The following RBM34 variants were observed in gnomAD, a reference collection of about 807,000 sequenced individuals.
RBM34 encodes RNA-binding protein 34.
Under a neutral mutation model 44.6 loss-of-function variants are expected in RBM34, and 39 were observed. That is an observed-to-expected ratio of 0.87 (90% CI 0.68 to 1.14). RBM34 has a LOEUF of 1.14. RBM34 is among the 50% of genes most tolerant of loss of function. The pLI is 0.00. For missense variants in RBM34, 572 were observed against 517.9 expected (o/e 1.10, Z -1.01); for synonymous variants, 194 against 184.0 (o/e 1.05, Z -0.44).
At chr1:235,148,577 T>C (rs1662013727) in intron 5 of RBM34, 130 bp from the exon 6 acceptor site, 2 of 553,232 alleles carry the variant, frequency 3.6e-6, no homozygotes, top group Non-Finnish European at 5.6e-6. Flanking sequence ...AATAAACAAA[T>C]CAGAAACAAC....
intron 8 of RBM34, among the ~76,000 whole-genome samples, chr1:235,137,669 C>A (rs541337224): frequency 6.6e-6 from 1 of 152,084 alleles, no homozygotes; most frequent in East Asian, 1.9e-4. Context: ...AGCCATTGTG[C>A]CCAGCCAGGA....
chr1:235,155,832 T>TATATATAC (rs1553275309), intron 3 of RBM34, among the ~76,000 whole-genome samples: 5 of 19,290 alleles, frequency 2.6e-4, no homozygotes, highest in South Asian at 3.9e-3. Context: ...CATATATATA[T>TATATATAC]ATATATATAT....
At position 235,135,726 on chromosome 1, in the gene RBM34, T is replaced by C; in HGVS notation, c.934A>G (p.Ser312Gly). The change falls in exon 10 of 11, where the codon AGT becomes GGT. Residue 312 changes from serine (S) to glycine (G), a missense_variant. Transcript: ENST00000408888. ...AIEKHFLDCG[S>G]IMAVRIVRDK... Reference sequence around the variant, plus strand: ...CTCACAATCCTCACGGCCATGATACTTCCACAGTCCAGAAAGTGCTTCTCA... The same window carrying C: ...CTCACAATCCTCACGGCCATGATACCTCCACAGTCCAGAAAGTGCTTCTCA... The C allele has an allele frequency of 1.9e-6, 3 of 1,614,204 alleles. No homozygotes were observed. Among genetic ancestry groups the C allele is most frequent in the Non-Finnish European group, 2.5e-6 (3 of 1,180,030 alleles).
At chr1:235,143,250 A>T (rs1661759941) in intron 6 of RBM34, among the ~76,000 whole-genome samples, 1 of 152,210 alleles carries the variant, frequency 6.6e-6, no homozygotes, top group Non-Finnish European at 1.5e-5. Flanking sequence ...ATTCTCATCG[A>T]TAGCTGGTAG....
At chr1:235,160,291 G>T in intron 3 of RBM34, 1 of 694,154 alleles carries the variant, frequency 1.4e-6, no homozygotes, top group Non-Finnish European at 2.6e-6. Flanking sequence ...TATATGAGTG[G>T]GGTAAAAATA....
intron 3 of RBM34, among the ~76,000 whole-genome samples, chr1:235,159,882 A>AC (rs1662622861): frequency 6.6e-6 from 1 of 151,388 alleles, no homozygotes; most frequent in Non-Finnish European, 1.5e-5. Flanking sequence ...AAAAAAAAAA[A>AC]GAAACGCAAA....
intron 5 of RBM34, among the ~76,000 whole-genome samples, chr1:235,149,297 G>A (rs1337877059): frequency 6.6e-6 from 1 of 150,656 alleles, no homozygotes; most frequent in Non-Finnish European, 1.5e-5. Flanking sequence ...GCTGAGGCAG[G>A]AGAATGGCGT....
Position 235,154,928 on chromosome 1 carries a change from C to T in RBM34, c.550G>A (p.Glu184Lys). Reference sequence around the variant, plus strand: ...AAATTCCCAACAAACACAGTTCTCTCATTCTTTAATCTCTCTTCTTCTTGG... The same window carrying T: ...AAATTCCCAACAAACACAGTTCTCTTATTCTTTAATCTCTCTTCTTCTTGG... The part of the protein sequence containing the change: ...INQEEERLKN[E>K]RTVFVGNLPV... Residue 184 changes from glutamate (E) to lysine (K), a missense_variant, in exon 4 of 11, where the codon GAG becomes AAG. Glu to Lys is a moderately conservative substitution (Grantham distance 56, BLOSUM62 1). Coordinates refer to ENST00000408888, the MANE Select transcript of RBM34 (RefSeq NM_015014.4). 6.2e-7 allele frequency: 1 copy of T among 1,614,070 alleles called. No individual in the cohort carries two copies. Among genetic ancestry groups the T allele is most frequent in the Admixed American group, 1.7e-5 (1 of 60,020 alleles).
intron 8 of RBM34, among the ~76,000 whole-genome samples, chr1:235,136,699 C>G (rs773570533): frequency 3.9e-5 from 6 of 152,208 alleles, no homozygotes; most frequent in Non-Finnish European, 5.9e-5. Flanking sequence ...GCACCTTTGT[C>G]AAGTCCAAAT....
intron 5 of RBM34, 82 bp from the exon 6 acceptor site, chr1:235,148,529 C>T (rs182536010): frequency 2.0e-6 from 2 of 1,024,994 alleles, no homozygotes; most frequent in Non-Finnish European, 2.9e-6. Flanking sequence ...GTCTAAGTAT[C>T]TAACTCCAGT....
rs1558138290 is a variant in RBM34, at chr1:235,138,150, T to C, written c.726A>G (p.Lys242=). ...TAAACACAACATAGGCATTAATATT[T>C]TTCTGATCAGGATGAATTTTACGTC... is the stretch of plus-strand genomic sequence containing the variant. The part of the protein sequence containing the change: ...AIKRKIHPDQ[K]NINAYVVFKE... Residue 242 remains lysine, a synonymous_variant, in exon 7 of 11, where the codon AAA becomes AAG. Transcript: ENST00000408888. The C allele has an allele frequency of 6.2e-7, 1 of 1,602,322 alleles. No individual in the cohort carries two copies.
chr1:235,151,358 A>G (rs547422922), intron 5 of RBM34, among the ~76,000 whole-genome samples: 5 of 152,308 alleles, frequency 3.3e-5, no homozygotes, highest in Admixed American at 3.3e-4. Context: ...CAAGACACCC[A>G]CACTAATGCA....
Position 235,135,980 on chromosome 1 carries a change from T to G in RBM34, c.889+54A>C, listed in dbSNP as rs1030132235. 10 of 1,424,388 alleles carry G rather than the reference T, an allele frequency of 7.0e-6. No homozygotes were observed. In the African/African-American group the frequency reaches 1.4e-4, roughly 21 times the overall value. 88.2% of individuals were successfully genotyped at this position (1,424,388 alleles called of 1,614,324 possible). ...ACATTAAGTTACTACTCAGTTCTTA[T>G]TTCCTTGTTATTTATTTAGTAATAT... On this transcript the variant is annotated intron_variant, in intron 9 of 10. Coordinates refer to ENST00000408888, the MANE Select transcript of RBM34 (RefSeq NM_015014.4).
intron 6 of RBM34, among the ~76,000 whole-genome samples, chr1:235,141,639 T>A (rs1481751287): frequency 6.6e-6 from 1 of 152,158 alleles, no homozygotes; most frequent in Non-Finnish European, 1.5e-5. Flanking sequence ...TTGCTACTGC[T>A]CACTCTTTGG....
chr1:235,140,969 C>A (rs1255157248), intron 6 of RBM34, among the ~76,000 whole-genome samples: 4 of 151,606 alleles, frequency 2.6e-5, no homozygotes, highest in Non-Finnish European at 4.4e-5. Flanking sequence ...GGTTTGTAAA[C>A]ACACCAATCG....
In RBM34 at chr1:235,142,301, G is replaced by A. The variant is rs151264822; in HGVS notation, c.702-4127C>T. 1.2e-3 allele frequency among the ~76,000 whole-genome samples: 182 copies of A among 152,054 alleles called. 1 individual carries two copies. In the East Asian group the frequency reaches 0.016, roughly 14 times the overall value. On this transcript the variant is annotated intron_variant, in intron 6 of 10. Coordinates refer to ENST00000408888, the MANE Select transcript of RBM34 (RefSeq NM_015014.4). ...AATAGCACTTTTTTTATTTTGAGACGGAGTTTCTCTCTTGCAGTCCAGGCT... is the reference window on the plus strand; with the variant it reads ...AATAGCACTTTTTTTATTTTGAGACAGAGTTTCTCTCTTGCAGTCCAGGCT...
At chr1:235,134,400 A>G (rs988612551) in intron 10 of RBM34, among the ~76,000 whole-genome samples, 8 of 151,992 alleles carry the variant, frequency 5.3e-5, no homozygotes, top group African/African-American at 1.7e-4. Context: ...ACGTTAATCA[A>G]TCCTCTCGCC....
At chr1:235,139,844 A>AT (rs1661599625) in intron 6 of RBM34, among the ~76,000 whole-genome samples, 2 of 152,236 alleles carry the variant, frequency 1.3e-5, no homozygotes, top group Non-Finnish European at 2.9e-5. Context: ...GGCCGAGCAC[A>AT]GGGGCAAAAT....
At chr1:235,136,724 C>A (rs1558137504) in intron 8 of RBM34, among the ~76,000 whole-genome samples, 1 of 152,196 alleles carries the variant, frequency 6.6e-6, no homozygotes. Flanking sequence ...TCATGTCACT[C>A]TTAGTTTAAA....
Sources: allele counts gnomAD v4.1 joint callset (sites outside exome capture counted in the v4.1 genomes callset), GRCh38; gene constraint gnomAD v4.1.1; transcripts MANE v1.5; gene names NCBI Gene and HGNC (gene_info 2026-07-23, HGNC 2026-07-21).